Variants in ASIC2 observed in about 807,000 individuals in gnomAD.
ASIC2 encodes the protein acid sensing ion channel subunit 2, also known as acid-sensing ion channel 2.
In ASIC2, 25 loss-of-function variants were observed where a neutral mutation model predicts 57.3. That is an observed-to-expected ratio of 0.44 (90% CI 0.32 to 0.61). ASIC2 has a LOEUF of 0.61. Among genes scored for constraint, ASIC2 ranks in the 20% least tolerant of loss-of-function variants. ASIC2 has a pLI of 0.06. For synonymous variants in ASIC2, 319 were observed against 307.5 expected (o/e 1.04, Z -0.39); for missense variants, 641 against 738.1 (o/e 0.87, Z 1.52).
chr17:33,417,909 G>T (rs1483298129), intron 1 of ASIC2, among the ~76,000 whole-genome samples: 1 of 152,128 alleles, frequency 6.6e-6, no homozygotes, highest in African/African-American at 2.4e-5. Context: ...GGGAAGGCCC[G>T]ACTAGGCTTT....
Position 33,292,034 on chromosome 17 carries a change from C to G in ASIC2, c.82G>C (p.Ala28Pro). The change falls in exon 1 of 10, where the codon GCG becomes CCG. Residue 28 changes from alanine to proline, a missense_variant. By Grantham distance (27) the Ala-to-Pro change is conservative (BLOSUM62 -1). Transcript: ENST00000225823. ...GRFRMAREEPAPAALAAAGQP... is the reference protein window; with the variant it reads ...GRFRMAREEPPPAALAAAGQP... ...CCGGCAGCCGCCAACGCCGCGGGCG[C>G]CGGCTCCTCGCGGGCCATGCGGAAG... 2 of 1,163,662 alleles carry G rather than the reference C, an allele frequency of 1.7e-6. No homozygotes were observed. Among genetic ancestry groups the G allele is most frequent in the Middle Eastern group, 3.6e-4 (1 of 2,806 alleles). The allele number at this position is 1,163,662 out of a possible 1,614,324, so 72.1% of individuals were successfully genotyped here. A position where few individuals can be genotyped will look rare whatever the true frequency, so the allele number is the denominator to read the frequency against.
intron 1 of ASIC2, among the ~76,000 whole-genome samples, chr17:33,701,983 C>T (rs1466335661): frequency 1.3e-5 from 2 of 152,130 alleles, no homozygotes; most frequent in East Asian, 3.8e-4. Context: ...AAGCTGGTGG[C>T]GTTGAGCTCG....
chr17:33,627,666 C>T (rs149655125), intron 1 of ASIC2, among the ~76,000 whole-genome samples: 1 of 152,342 alleles, frequency 6.6e-6, no homozygotes, highest in African/African-American at 2.4e-5. Context: ...TTCTGACAGA[C>T]ACAAGCCAAT....
At chr17:34,093,761 T>A (rs959284930) in intron 1 of ASIC2, among the ~76,000 whole-genome samples, 3 of 152,214 alleles carry the variant, frequency 2.0e-5, no homozygotes, top group Non-Finnish European at 4.4e-5. Context: ...ACTCTGGGCC[T>A]TTTGTGTGAA....
At chr17:33,873,260 C>G (rs1914466125) in intron 1 of ASIC2, among the ~76,000 whole-genome samples, 1 of 152,184 alleles carries the variant, frequency 6.6e-6, no homozygotes, top group African/African-American at 2.4e-5. Context: ...AGTAACAGAA[C>G]AGTATGATGA....
At chr17:33,290,020 C>T (rs1905355313) in intron 1 of ASIC2, among the ~76,000 whole-genome samples, 1 of 152,204 alleles carries the variant, frequency 6.6e-6, no homozygotes, top group Non-Finnish European at 1.5e-5. Flanking sequence ...TTAACAGCAT[C>T]TCCTACTTGC....
intron 1 of ASIC2, among the ~76,000 whole-genome samples, chr17:33,150,386 A>G (rs927320503): frequency 6.6e-6 from 1 of 152,214 alleles, no homozygotes; most frequent in African/African-American, 2.4e-5. Context: ...GAACTACAGG[A>G]GTCAGAATAT....
chr17:33,595,950 C>T (rs930368608), intron 1 of ASIC2, among the ~76,000 whole-genome samples: 2 of 152,238 alleles, frequency 1.3e-5, no homozygotes, highest in Non-Finnish European at 2.9e-5. Flanking sequence ...TCCTCCCCCT[C>T]AGTAGAGTCT....
intron 1 of ASIC2, among the ~76,000 whole-genome samples, chr17:33,230,889 T>C (rs1351657010): frequency 6.6e-6 from 1 of 152,200 alleles, no homozygotes; most frequent in Admixed American, 6.5e-5. Flanking sequence ...ACGTTCTATA[T>C]GGTTTCAATA....
chr17:33,726,973 A>G (rs1162934154), intron 1 of ASIC2, among the ~76,000 whole-genome samples: 1 of 152,186 alleles, frequency 6.6e-6, no homozygotes, highest in Non-Finnish European at 1.5e-5. Context: ...TAATTGGAAA[A>G]TTAGTATAAA....
chr17:33,312,562 G>A lies in ASIC2; in HGVS notation c.556-200495C>T, dbSNP rs148915375. On this transcript the variant is annotated intron_variant, in intron 1 of 9. Transcript: ENST00000359872. The stretch of plus-strand genomic sequence containing the variant: ...AACTGGCCAGCCATGCTATGAGTAA[G>A]AAGAGGGATGAGCGGCAAGGGCTGC... Among the ~76,000 whole-genome samples the A allele has an allele frequency of 4.6e-3, 701 of 152,340 alleles. 1 individual carries two copies. Among genetic ancestry groups the A allele is most frequent in the Middle Eastern group, 0.02 (6 of 294 alleles).
intron 1 of ASIC2, among the ~76,000 whole-genome samples, chr17:33,462,779 T>TG (rs1912684197): frequency 6.6e-6 from 1 of 152,262 alleles, no homozygotes; most frequent in Non-Finnish European, 1.5e-5. Context: ...CATTGAATTC[T>TG]GGTGAGAACT....
chr17:33,321,879 T>C (rs190186736), intron 1 of ASIC2, among the ~76,000 whole-genome samples: 25 of 152,344 alleles, frequency 1.6e-4, no homozygotes, highest in African/African-American at 5.8e-4. Flanking sequence ...ATTGGCAGAT[T>C]GCAGGCAGGC....
intron 1 of ASIC2, among the ~76,000 whole-genome samples, chr17:33,765,206 C>T (rs1006005812): frequency 1.1e-4 from 16 of 152,088 alleles, no homozygotes; most frequent in Admixed American, 5.9e-4. Context: ...CCCGGGTTCA[C>T]GCCATTCTCC....
At chr17:33,274,898 T>A (rs12450614) in intron 1 of ASIC2, among the ~76,000 whole-genome samples, 50,944 of 151,838 alleles carry the variant, frequency 0.34, 8,707 homozygotes, top group Admixed American at 0.41. Context: ...TCCACTCTCA[T>A]CACTCATCAC....
intron 1 of ASIC2, among the ~76,000 whole-genome samples, chr17:33,926,453 C>T (rs1431749169): frequency 6.6e-6 from 1 of 152,022 alleles, no homozygotes; most frequent in African/African-American, 2.4e-5. Flanking sequence ...TTTAATATAC[C>T]TTATACACAT....
intron 1 of ASIC2, among the ~76,000 whole-genome samples, chr17:34,055,697 G>C (rs913318375): frequency 2.0e-5 from 3 of 152,138 alleles, no homozygotes; most frequent in African/African-American, 7.2e-5. Context: ...TTTATGTTGT[G>C]TGTGTCAGTA....
At chr17:33,720,175 T>G (rs1909344285) in intron 1 of ASIC2, among the ~76,000 whole-genome samples, 1 of 152,162 alleles carries the variant, frequency 6.6e-6, no homozygotes. Context: ...CCACCAAGCC[T>G]GCCAAGGGAG....
chr17:33,109,936 G>A (rs1481537281), intron 2 of ASIC2, among the ~76,000 whole-genome samples: 1 of 152,084 alleles, frequency 6.6e-6, no homozygotes, highest in Non-Finnish European at 1.5e-5. Context: ...AGACTTTTTG[G>A]GTAGCCTTGT....
Sources: allele counts gnomAD v4.1 joint callset (sites outside exome capture counted in the v4.1 genomes callset), GRCh38; gene constraint gnomAD v4.1.1; transcripts MANE v1.5; gene names NCBI Gene and HGNC (gene_info 2026-07-23, HGNC 2026-07-21).